FSAF1: variants seen among roughly 807,000 people sequenced by gnomAD.
FSAF1 encodes 40S small subunit processome assembly factor 1, also known as uncharacterized protein C1orf131.
the FSAF1 span, chr1:231,226,978 C>T: frequency 7.4e-6 from 12 of 1,614,162 alleles, no homozygotes; most frequent in East Asian, 2.2e-5. Flanking sequence ...CTCACCTTAG[C>T]GCCCAGCATA....
At chr1:231,226,318 T>TG in the FSAF1 span, 1 of 198,274 alleles carries the variant, frequency 5.0e-6, no homozygotes, top group South Asian at 9.8e-5. Context: ...GTCTCGCTCT[T>TG]GCCATGTGAT....
At chr1:231,237,566 T>C in the FSAF1 span, 1 of 152,236 alleles carries the variant, frequency 6.6e-6, no homozygotes, top group Non-Finnish European at 1.5e-5. Flanking sequence ...ATTATAGTTA[T>C]GCAACCACAA....
At chr1:231,229,246 T>C in the FSAF1 span, 8 of 1,362,112 alleles carry the variant, frequency 5.9e-6, no homozygotes, top group East Asian at 1.9e-4. Context: ...CATCTGTTAC[T>C]ATATCATTAT....
At chr1:231,240,944 C>A in the FSAF1 span, 3 of 1,304,342 alleles carry the variant, frequency 2.3e-6, no homozygotes, top group South Asian at 3.6e-5. This position sits in a 1 kb window ranked among gnomAD's most constrained non-coding sequence, Gnocchi z 4.1. Context: ...AAAGCAGAGG[C>A]CAACCCAGGA....
At chr1:231,233,883 T>C in the FSAF1 span, among the ~76,000 whole-genome samples, 1 of 152,094 alleles carries the variant, frequency 6.6e-6, no homozygotes, top group Non-Finnish European at 1.5e-5. Context: ...CTTCATCAGG[T>C]TTTTCTGCCA....
the FSAF1 span, chr1:231,225,740 G>C: frequency 6.3e-5 from 35 of 553,442 alleles, no homozygotes; most frequent in African/African-American, 6.2e-4. Flanking sequence ...TATAGTCCTA[G>C]CACTCCAGGA....
chr1:231,225,853 A>G, the FSAF1 span: 2 of 322,442 alleles, frequency 6.2e-6, no homozygotes, highest in Non-Finnish European at 1.2e-5. Context: ...AAGAATGTGA[A>G]TGGCTATTCC....
the FSAF1 span, chr1:231,240,875 G>A: frequency 1.4e-6 from 1 of 722,916 alleles, no homozygotes; most frequent in Admixed American, 2.3e-5. This position sits in a 1 kb window ranked among gnomAD's most constrained non-coding sequence, Gnocchi z 4.1. Flanking sequence ...GGAGAAATGT[G>A]TTCGCTACTG....
the FSAF1 span, chr1:231,226,811 ACT>A: frequency 6.2e-7 from 1 of 1,608,158 alleles, no homozygotes; most frequent in South Asian, 1.1e-5. Flanking sequence ...AATTCACATA[ACT>A]CTTTTTAGGA....
At chr1:231,233,124 G>A in the FSAF1 span, among the ~76,000 whole-genome samples, 5 of 152,280 alleles carry the variant, frequency 3.3e-5, no homozygotes, top group East Asian at 3.9e-4. Flanking sequence ...TCCACATTGC[G>A]GGGCAGTATG....
the FSAF1 span, chr1:231,224,114 A>C: frequency 2.6e-6 from 2 of 764,710 alleles, no homozygotes; most frequent in Non-Finnish European, 3.9e-6. Context: ...CATGAAGCAG[A>C]CACTTCGGCA....
the FSAF1 span, among the ~76,000 whole-genome samples, chr1:231,229,793 C>T: frequency 6.6e-6 from 1 of 152,120 alleles, no homozygotes. Context: ...GAGTCAAATT[C>T]ACACAGACAG....
At chr1:231,226,952 A>C in the FSAF1 span, 4 of 1,613,606 alleles carry the variant, frequency 2.5e-6, no homozygotes, top group Admixed American at 3.3e-5. Flanking sequence ...CTAGTGATGA[A>C]AGGTAGCAGC....
the FSAF1 span, chr1:231,225,707 G>C: frequency 1.6e-6 from 1 of 622,372 alleles, no homozygotes; most frequent in Non-Finnish European, 2.8e-6. Context: ...TGAAAGGCTG[G>C]GCCTGGCGTG....
the FSAF1 span, among the ~76,000 whole-genome samples, chr1:231,230,930 C>T: frequency 6.6e-6 from 1 of 152,228 alleles, no homozygotes; most frequent in Non-Finnish European, 1.5e-5. Flanking sequence ...ACTGACCATA[C>T]CATCAGCAGC....
chr1:231,236,547 G>A, the FSAF1 span: 1 of 152,116 alleles, frequency 6.6e-6, no homozygotes, highest in Non-Finnish European at 1.5e-5. Context: ...TGCCACAGAT[G>A]TTCTATTATT....
At chr1:231,238,807 T>C in the FSAF1 span, 1 of 1,507,268 alleles carries the variant, frequency 6.6e-7, no homozygotes, top group Non-Finnish European at 9.0e-7. Flanking sequence ...CACCTAATAC[T>C]ACAATACCAG....
the FSAF1 span, among the ~76,000 whole-genome samples, chr1:231,235,129 T>C: frequency 3.9e-5 from 6 of 152,216 alleles, no homozygotes; most frequent in Non-Finnish European, 7.3e-5. Context: ...CACCCAGTGA[T>C]TGGTGGAATA....
the FSAF1 span, chr1:231,226,365 G>A: frequency 5.5e-5 from 15 of 272,714 alleles, no homozygotes; most frequent in African/African-American, 2.6e-4. Context: ...CTTCCCTCAT[G>A]AGCGGAAGCA....
Sources: gnomAD v4.1 joint callset for allele counts (sites outside exome capture counted in the v4.1 genomes callset) on GRCh38, gnomAD v4.1.1 for gene constraint, Gnocchi (gnomAD v3.1) non-coding constraint, MANE v1.5 for transcripts, NCBI Gene and HGNC (gene_info 2026-07-23, HGNC 2026-07-21) for gene names.